The following TMEM163 variants were observed in gnomAD, a reference collection of about 807,000 sequenced individuals.
TMEM163 encodes transmembrane protein 163.
In TMEM163, 17 loss-of-function variants were observed where a neutral mutation model predicts 29.3. That is an observed-to-expected ratio of 0.58 (90% confidence interval 0.40 to 0.87). The LOEUF (loss-of-function observed/expected upper bound fraction) is 0.87, where lower values mean the gene tolerates loss of function less well. Ranked by LOEUF, TMEM163 falls within the 40% of genes least tolerant of loss-of-function variation. The probability of loss-of-function intolerance (pLI) is 0.00; values close to 1 mark genes in which losing one functional copy is unlikely to be tolerated. For missense variants in TMEM163, 303 were observed against 381.5 expected (o/e 0.79, Z 1.71); for synonymous variants, 157 against 160.6 (o/e 0.98, Z 0.17).
intron 2 of TMEM163, among the ~76,000 whole-genome samples, chr2:134,650,993 G>T (rs201660089): frequency 9.8e-6 from 1 of 102,560 alleles, no homozygotes; most frequent in African/African-American, 5.2e-5. Context: ...GAATAATGCC[G>T]CAATAAACAT....
At chr2:134,515,219 AC>A (rs1319209121) in intron 4 of TMEM163, among the ~76,000 whole-genome samples, 1 of 152,070 alleles carries the variant, frequency 6.6e-6, no homozygotes, top group Non-Finnish European at 1.5e-5. Context: ...TGTACAGAAA[AC>A]CACCTGAGTG....
chr2:134,526,912 TTAAG>T (rs1186975492), intron 4 of TMEM163, among the ~76,000 whole-genome samples: 4 of 152,158 alleles, frequency 2.6e-5, no homozygotes, highest in East Asian at 1.9e-4. Context: ...TAATGAAAAC[TTAAG>T]TATGTCTAAA....
intron 2 of TMEM163, among the ~76,000 whole-genome samples, chr2:134,689,184 C>T (rs1684411014): frequency 1.3e-5 from 2 of 149,828 alleles, no homozygotes; most frequent in South Asian, 4.2e-4. Flanking sequence ...TCTTGGCTCA[C>T]GGCAACCTCT....
intron 5 of TMEM163, among the ~76,000 whole-genome samples, chr2:134,481,036 G>T (rs1306101952): frequency 6.6e-6 from 1 of 152,078 alleles, no homozygotes; most frequent in Non-Finnish European, 1.5e-5. Context: ...AATCACCATG[G>T]ATTAATTTCT....
intron 5 of TMEM163, among the ~76,000 whole-genome samples, chr2:134,476,110 A>G (rs1686906910): frequency 6.6e-6 from 1 of 152,248 alleles, no homozygotes; most frequent in Non-Finnish European, 1.5e-5. Flanking sequence ...ACAAACTGTC[A>G]TCTGTCCAGA....
chr2:134,563,113 A>G (rs912398563), intron 2 of TMEM163, among the ~76,000 whole-genome samples: 10 of 152,244 alleles, frequency 6.6e-5, no homozygotes, highest in African/African-American at 2.4e-4. Context: ...ACTAGAGAGC[A>G]AAGGCGTGAA....
chr2:134,472,272 C>G (rs527272231), intron 5 of TMEM163, among the ~76,000 whole-genome samples: 32 of 152,070 alleles, frequency 2.1e-4, no homozygotes, highest in Non-Finnish European at 4.1e-4. Context: ...GGGTTAATCT[C>G]CTTACTATAG....
chr2:134,593,234 A>T (rs1681978746), intron 2 of TMEM163, among the ~76,000 whole-genome samples: 1 of 152,200 alleles, frequency 6.6e-6, no homozygotes, highest in African/African-American at 2.4e-5. Context: ...GGGAGATGGC[A>T]CTGTCAGCTT....
intron 2 of TMEM163, among the ~76,000 whole-genome samples, chr2:134,581,408 T>G (rs1294888335): frequency 6.6e-6 from 1 of 152,248 alleles, no homozygotes; most frequent in East Asian, 1.9e-4. Context: ...ACATCATGCT[T>G]ATCTCTTTCA....
chr2:134,673,423 A>G (rs968830983), intron 2 of TMEM163, among the ~76,000 whole-genome samples: 34 of 152,166 alleles, frequency 2.2e-4, no homozygotes, highest in Admixed American at 1.9e-3. Context: ...TGTGCTGTTC[A>G]TTTTTGTATC....
intron 2 of TMEM163, among the ~76,000 whole-genome samples, chr2:134,611,511 A>T (rs866770964): frequency 2.6e-5 from 4 of 152,204 alleles, no homozygotes; most frequent in African/African-American, 9.7e-5. Flanking sequence ...GTATGATCTC[A>T]CCACAGTGCA....
chr2:134,514,481 G>A (rs1441173742), intron 4 of TMEM163, among the ~76,000 whole-genome samples: 1 of 146,774 alleles, frequency 6.8e-6, no homozygotes, highest in Non-Finnish European at 1.5e-5. Context: ...CTCTGTGCAT[G>A]AACTACTTTG....
chr2:134,606,564 C>T (rs142626438), intron 2 of TMEM163, among the ~76,000 whole-genome samples: 377 of 152,312 alleles, frequency 2.5e-3, no homozygotes, highest in African/African-American at 8.4e-3. Flanking sequence ...CCGCCTCCAT[C>T]CCCCTGGAAG....
chr2:134,468,498 T>C (rs1019938885), intron 5 of TMEM163: 3 of 152,168 alleles, frequency 2.0e-5, no homozygotes, highest in Non-Finnish European at 4.4e-5. Flanking sequence ...GACCAAAGAA[T>C]TGCATGTCAA....
chr2:134,492,560 T>C (rs1027867141), intron 5 of TMEM163, among the ~76,000 whole-genome samples: 4 of 152,228 alleles, frequency 2.6e-5, no homozygotes, highest in African/African-American at 9.6e-5. Context: ...TCTCTCACTA[T>C]AGTTTGTAGG....
At chr2:134,659,902 A>C (rs1193210614) in intron 2 of TMEM163, among the ~76,000 whole-genome samples, 2 of 152,230 alleles carry the variant, frequency 1.3e-5, no homozygotes, top group South Asian at 4.2e-4. Flanking sequence ...ACTATACTGC[A>C]CTACAGCCTG....
chr2:134,482,436 C>T (rs1047633700), intron 5 of TMEM163, among the ~76,000 whole-genome samples: 6 of 152,130 alleles, frequency 3.9e-5, no homozygotes, highest in South Asian at 4.1e-4. Context: ...AGCCAGCAAG[C>T]GGAATAGGAG....
intron 2 of TMEM163, among the ~76,000 whole-genome samples, chr2:134,552,656 CTTTTT>C (rs35785546): frequency 8.8e-6 from 1 of 113,528 alleles, no homozygotes; most frequent in African/African-American, 3.7e-5. Context: ...TATTTTGATC[CTTTTT>C]TTTTTTTTTT....
At chr2:134,647,687 G>A (rs1298074684) in intron 2 of TMEM163, among the ~76,000 whole-genome samples, 1 of 152,212 alleles carries the variant, frequency 6.6e-6, no homozygotes, top group Admixed American at 6.5e-5. Context: ...TACCGAAGCA[G>A]GAAACTTTCC....
Sources: gnomAD v4.1 joint callset for allele counts (sites outside exome capture counted in the v4.1 genomes callset) on GRCh38, gnomAD v4.1.1 for gene constraint, MANE v1.5 for transcripts, NCBI Gene and HGNC (gene_info 2026-07-23, HGNC 2026-07-21) for gene names.